MACROD2: variants seen among roughly 807,000 people sequenced by gnomAD.
MACROD2 encodes ADP-ribose glycohydrolase MACROD2.
In MACROD2, 36 loss-of-function variants were observed where a neutral mutation model predicts 70.4. The ratio of observed to expected loss-of-function variants is 0.51; its 90% confidence interval spans 0.39 to 0.68. The LOEUF (loss-of-function observed/expected upper bound fraction) is 0.68, where lower values mean the gene tolerates loss of function less well. Ranked by LOEUF, MACROD2 falls within the 30% of genes least tolerant of loss-of-function variation. The probability of loss-of-function intolerance (pLI) is 0.00; values close to 1 mark genes in which losing one functional copy is unlikely to be tolerated. For synonymous variants in MACROD2, 172 were observed against 178.8 expected, an observed-to-expected ratio of 0.96 and a Z score of 0.30; for missense variants, 496 against 538.4, an observed-to-expected ratio of 0.92 and a Z score of 0.78.
intron 3 of MACROD2, among the ~76,000 whole-genome samples, chr20:14,122,768 C>T (rs1218305415): frequency 6.6e-6 from 1 of 152,144 alleles, no homozygotes; most frequent in African/African-American, 2.4e-5. Context: ...TAGAATGCTT[C>T]CATCTGTTCA....
At chr20:15,960,776 C>A (rs1346149466) in intron 12 of MACROD2, among the ~76,000 whole-genome samples, 1 of 152,120 alleles carries the variant, frequency 6.6e-6, no homozygotes, top group Non-Finnish European at 1.5e-5. Flanking sequence ...TCTGGCCCAT[C>A]CAGGACAAGA....
At chr20:15,461,783 A>T (rs182640969) in intron 7 of MACROD2, among the ~76,000 whole-genome samples, 1 of 152,290 alleles carries the variant, frequency 6.6e-6, no homozygotes, top group Admixed American at 6.5e-5. Flanking sequence ...GCCACATGAC[A>T]AGCCACCCAG....
rs141081140 is a variant in MACROD2, at chr20:14,160,267, G to C, written c.271+74539G>C. On this transcript the variant is annotated intron_variant, in intron 3 of 17. Coordinates refer to ENST00000684519, the MANE Select transcript of MACROD2 (RefSeq NM_001351661.2). ...ATTAGAGATAATTCCCTCTGCTTCA[G>C]TTATTTGGGGTAGTTTGGGGGAAAA... 5.6e-3 allele frequency among the ~76,000 whole-genome samples: 847 copies of C among 152,234 alleles called. 19 individuals are homozygous for C. The highest frequency in any genetic ancestry group is 0.038 in the Admixed American group (586 of 15,296).
intron 3 of MACROD2, among the ~76,000 whole-genome samples, chr20:14,092,756 A>C (rs1331029407): frequency 6.6e-6 from 1 of 152,214 alleles, no homozygotes; most frequent in African/African-American, 2.4e-5. Context: ...AAAAATACGT[A>C]GCACAGTTCT....
intron 3 of MACROD2, among the ~76,000 whole-genome samples, chr20:14,161,827 C>G (rs925734439): frequency 7.9e-5 from 12 of 152,046 alleles, no homozygotes; most frequent in Non-Finnish European, 1.8e-4. Flanking sequence ...ATCTCCTGAC[C>G]TCGTGATCCA....
chr20:15,738,268 G>A (rs75036882), intron 8 of MACROD2, among the ~76,000 whole-genome samples: 2,554 of 152,130 alleles, frequency 0.017, 70 homozygotes, highest in African/African-American at 0.057. Flanking sequence ...TGATTATTAC[G>A]CATTGCATGC....
chr20:15,372,701 T>C (rs1194955923), intron 6 of MACROD2, among the ~76,000 whole-genome samples: 6 of 152,218 alleles, frequency 3.9e-5, no homozygotes, highest in Non-Finnish European at 8.8e-5. Flanking sequence ...TTAAATTTTA[T>C]TGTGGAAAAA....
chr20:15,095,241 A>G (rs1458024117), intron 5 of MACROD2, among the ~76,000 whole-genome samples: 1 of 147,750 alleles, frequency 6.8e-6, no homozygotes, highest in Non-Finnish European at 1.5e-5. Flanking sequence ...CACACCCGGC[A>G]ATTTTTTGTA....
intron 5 of MACROD2, among the ~76,000 whole-genome samples, chr20:15,046,508 C>T (rs527479447): frequency 5.3e-5 from 8 of 152,320 alleles, no homozygotes; most frequent in Admixed American, 1.3e-4. Context: ...ACAAGTGTCA[C>T]GTCTGTGTTT....
At chr20:14,670,349 C>A (rs887348795) in intron 4 of MACROD2, among the ~76,000 whole-genome samples, 1 of 152,076 alleles carries the variant, frequency 6.6e-6, no homozygotes, top group Non-Finnish European at 1.5e-5. Flanking sequence ...CTGGTGAAAA[C>A]TGACAGAATC....
chr20:14,500,300 C>T (rs1285388977), intron 4 of MACROD2, among the ~76,000 whole-genome samples: 2 of 152,170 alleles, frequency 1.3e-5, no homozygotes, highest in Non-Finnish European at 2.9e-5. Context: ...TAGCAAACCT[C>T]CATCAGAGCA....
intron 4 of MACROD2, among the ~76,000 whole-genome samples, chr20:14,589,768 A>T (rs1779501649): frequency 1.3e-5 from 2 of 152,196 alleles, no homozygotes; most frequent in South Asian, 4.1e-4. Context: ...TCTATTTTAA[A>T]TTCAGAGAGA....
At chr20:14,398,233 A>G (rs1033750087) in intron 3 of MACROD2, among the ~76,000 whole-genome samples, 1 of 152,088 alleles carries the variant, frequency 6.6e-6, no homozygotes, top group African/African-American at 2.4e-5. Flanking sequence ...TCTCTTTGAT[A>G]TATTGATTTA....
intron 4 of MACROD2, among the ~76,000 whole-genome samples, chr20:14,579,156 A>T: frequency 2.1e-5 from 2 of 93,660 alleles, no homozygotes; most frequent in Admixed American, 1.7e-4. Flanking sequence ...TTTTTTTGAG[A>T]CGGAGTCTCG....
chr20:14,130,921 G>GTTTTTTTTTTTTTTTTTTTT (rs201745680), intron 3 of MACROD2, among the ~76,000 whole-genome samples: 3 of 118,474 alleles, frequency 2.5e-5, no homozygotes, highest in African/African-American at 7.9e-5. Context: ...AAATAATTGT[G>GTTTTTTTTTTTTTTTTTTTT]TTTTTTTTGT....
intron 3 of MACROD2, among the ~76,000 whole-genome samples, chr20:14,136,729 T>C (rs182653225): frequency 1.3e-5 from 2 of 152,330 alleles, no homozygotes; most frequent in Admixed American, 1.3e-4. Context: ...TTTCACAGTG[T>C]TTGCTATGTA....
intron 3 of MACROD2, among the ~76,000 whole-genome samples, chr20:14,350,382 G>A (rs1488114029): frequency 2.6e-5 from 4 of 151,826 alleles, no homozygotes; most frequent in East Asian, 1.9e-4. Context: ...CCACACCCTC[G>A]CCAGCATTTA....
At chr20:14,791,294 G>A (rs550429799) in intron 5 of MACROD2, among the ~76,000 whole-genome samples, 134 of 152,244 alleles carry the variant, frequency 8.8e-4, no homozygotes, top group African/African-American at 2.8e-3. Flanking sequence ...TATCACATCT[G>A]TGCTCCAACG....
At chr20:14,329,753 T>C (rs1443625022) in intron 3 of MACROD2, among the ~76,000 whole-genome samples, 2 of 152,082 alleles carry the variant, frequency 1.3e-5, no homozygotes, top group Non-Finnish European at 2.9e-5. Flanking sequence ...CTGAACATGA[T>C]TTAACAAAGT....
Sources: allele counts gnomAD v4.1 joint callset (sites outside exome capture counted in the v4.1 genomes callset), GRCh38; gene constraint gnomAD v4.1.1; transcripts MANE v1.5; gene names NCBI Gene and HGNC (gene_info 2026-07-23, HGNC 2026-07-21).